The following KCNIP4 variants were observed in gnomAD, a reference collection of about 807,000 sequenced individuals.
KCNIP4 encodes potassium voltage-gated channel interacting protein 4, also known as Kv channel-interacting protein 4.
In KCNIP4, 12 loss-of-function variants were observed where a neutral mutation model predicts 34.0. The ratio of observed to expected loss-of-function variants is 0.35; its 90% CI spans 0.23 to 0.57. The LOEUF (loss-of-function observed/expected upper bound fraction) is 0.57. Ranked by LOEUF, KCNIP4 falls within the 20% of genes least tolerant of loss-of-function variation. KCNIP4 has a pLI of 0.83. For synonymous variants in KCNIP4, 124 were observed against 102.2 expected, an observed-to-expected ratio of 1.21 and a Z score of -1.29; for missense variants, 238 against 311.7, an observed-to-expected ratio of 0.76 and a Z score of 1.78.
intron 1 of KCNIP4, among the ~76,000 whole-genome samples, chr4:21,540,516 A>G (rs1302842885): frequency 1.3e-5 from 2 of 152,142 alleles, no homozygotes; most frequent in Admixed American, 6.5e-5. Context: ...CCCTAAAAAC[A>G]ATGGCTCTGG....
intron 1 of KCNIP4, among the ~76,000 whole-genome samples, chr4:21,081,245 A>G (rs1190717784): frequency 6.6e-6 from 1 of 151,858 alleles, no homozygotes; most frequent in Non-Finnish European, 1.5e-5. Flanking sequence ...GAAGCTTCTG[A>G]TGACAAGGCC....
chr4:21,537,619 A>C (rs763076122), intron 1 of KCNIP4, among the ~76,000 whole-genome samples: 4 of 152,124 alleles, frequency 2.6e-5, no homozygotes, highest in Non-Finnish European at 5.9e-5. Flanking sequence ...CCTTATTTGG[A>C]AATAGAGTCT....
chr4:20,904,162 T>C (rs1727464422), intron 1 of KCNIP4, among the ~76,000 whole-genome samples: 1 of 152,224 alleles, frequency 6.6e-6, no homozygotes, highest in African/African-American at 2.4e-5. Flanking sequence ...GTGACTGTTG[T>C]GTTACCCTTC....
At chr4:21,680,304 T>C (rs1242485089) in intron 1 of KCNIP4, among the ~76,000 whole-genome samples, 2 of 152,228 alleles carry the variant, frequency 1.3e-5, no homozygotes, top group Non-Finnish European at 2.9e-5. Flanking sequence ...GTTCTTTAGA[T>C]GGCAGCAATT....
intron 1 of KCNIP4, among the ~76,000 whole-genome samples, chr4:21,387,955 A>T (rs1406022486): frequency 6.6e-6 from 1 of 152,118 alleles, no homozygotes; most frequent in East Asian, 1.9e-4. Flanking sequence ...GACGTCAGGG[A>T]CAGCTCAGAG....
intron 1 of KCNIP4, among the ~76,000 whole-genome samples, chr4:21,059,866 T>C (rs2108968663): frequency 6.6e-6 from 1 of 152,238 alleles, no homozygotes; most frequent in Non-Finnish European, 1.5e-5. Context: ...TGTGGTAGAC[T>C]GTGTGGGGTG....
intron 1 of KCNIP4, among the ~76,000 whole-genome samples, chr4:21,590,902 G>T (rs1456441527): frequency 3.3e-5 from 5 of 151,874 alleles, no homozygotes; most frequent in Admixed American, 2.6e-4. Context: ...AGCAAGGCAG[G>T]TAAGTATCCC....
At chr4:20,974,284 A>G (rs1735266865) in intron 1 of KCNIP4, among the ~76,000 whole-genome samples, 1 of 152,198 alleles carries the variant, frequency 6.6e-6, no homozygotes, top group African/African-American at 2.4e-5. Flanking sequence ...TGGAGAGAAA[A>G]TGAATGAACA....
intron 1 of KCNIP4, among the ~76,000 whole-genome samples, chr4:21,502,098 A>C (rs1024404527): frequency 1.2e-4 from 18 of 151,986 alleles, no homozygotes; most frequent in African/African-American, 4.3e-4. Context: ...TTCCCCCTGG[A>C]GTCCCCAAAT....
chr4:21,894,040 A>G (rs966873524), intron 1 of KCNIP4, among the ~76,000 whole-genome samples: 2 of 152,066 alleles, frequency 1.3e-5, no homozygotes, highest in African/African-American at 4.8e-5. Flanking sequence ...TTTTTTAAAT[A>G]AAACAATGAG....
chr4:21,449,586 C>T (rs1490532672), intron 1 of KCNIP4, among the ~76,000 whole-genome samples: 1 of 151,284 alleles, frequency 6.6e-6, no homozygotes, highest in Non-Finnish European at 1.5e-5. Flanking sequence ...TCCACATCTC[C>T]ATATCACATA....
At chr4:21,905,385 T>A (rs1727937771) in intron 1 of KCNIP4, among the ~76,000 whole-genome samples, 1 of 152,182 alleles carries the variant, frequency 6.6e-6, no homozygotes, top group Admixed American at 6.5e-5. Flanking sequence ...AGCTTGCACA[T>A]GGCTATCACT....
chr4:20,919,105 G>T (rs559036297), intron 1 of KCNIP4, among the ~76,000 whole-genome samples: 28 of 152,262 alleles, frequency 1.8e-4, no homozygotes, highest in Admixed American at 4.6e-4. Context: ...GAGAGGAAAA[G>T]ATTATAATAG....
chr4:21,617,567 AT>A (rs1406118763), intron 1 of KCNIP4, among the ~76,000 whole-genome samples: 1 of 152,190 alleles, frequency 6.6e-6, no homozygotes, highest in East Asian at 1.9e-4. Flanking sequence ...AAATTATAGA[AT>A]AATTATTCTG....
intron 1 of KCNIP4, among the ~76,000 whole-genome samples, chr4:20,948,630 T>C (rs2149634443): frequency 6.6e-6 from 1 of 152,352 alleles, no homozygotes; most frequent in East Asian, 1.9e-4. Flanking sequence ...GGACGTGGCC[T>C]GGGAGTCTCC....
chr4:21,932,868 G>A (rs921013214), intron 1 of KCNIP4, among the ~76,000 whole-genome samples: 3 of 135,394 alleles, frequency 2.2e-5, no homozygotes, highest in Non-Finnish European at 3.2e-5. Flanking sequence ...ATGTATACAT[G>A]TATAATCTAT....
intron 1 of KCNIP4, among the ~76,000 whole-genome samples, chr4:21,355,152 G>T (rs902858625): frequency 2.6e-5 from 4 of 152,184 alleles, no homozygotes; most frequent in African/African-American, 9.7e-5. Context: ...ATTTAAAGCA[G>T]TGTGTAGAGG....
intron 1 of KCNIP4, among the ~76,000 whole-genome samples, chr4:21,047,123 T>C (rs886517468): frequency 2.0e-5 from 3 of 152,216 alleles, no homozygotes; most frequent in African/African-American, 7.2e-5. Flanking sequence ...TATCTTCTCA[T>C]TGACAAAACA....
intron 1 of KCNIP4, among the ~76,000 whole-genome samples, chr4:21,943,586 G>A (rs182396152): frequency 1.8e-4 from 27 of 152,190 alleles, no homozygotes; most frequent in Non-Finnish European, 1.9e-4. Context: ...GGAGACCAGG[G>A]AACAGTTCAG....
Sources: allele counts gnomAD v4.1 joint callset (sites outside exome capture counted in the v4.1 genomes callset), GRCh38; gene constraint gnomAD v4.1.1; transcripts MANE v1.5; gene names NCBI Gene and HGNC (gene_info 2026-07-23, HGNC 2026-07-21).